Variants in MTREX observed in about 807,000 individuals in gnomAD.
MTREX encodes the protein Mtr4 exosome RNA helicase, also known as exosome RNA helicase MTR4.
In MTREX, 76 loss-of-function variants were observed where a neutral mutation model predicts 135.4. The observed-to-expected ratio is 0.56, with a 90% confidence interval of 0.47 to 0.68. The LOEUF is 0.68. Among genes scored for constraint, MTREX ranks in the 30% least tolerant of loss-of-function variants. MTREX has a pLI of 0.00. For synonymous variants in MTREX, 404 were observed against 401.6 expected, an observed-to-expected ratio of 1.01 and a Z score of -0.07; for missense variants, 920 against 1,262.1, an observed-to-expected ratio of 0.73 and a Z score of 4.11.
chr5:55,336,011 G>C (rs1439386526), intron 5 of MTREX, among the ~76,000 whole-genome samples: 1 of 152,022 alleles, frequency 6.6e-6, no homozygotes, highest in East Asian at 1.9e-4. Context: ...TTATGCTATT[G>C]TGAATCACAT....
intron 19 of MTREX, among the ~76,000 whole-genome samples, chr5:55,392,878 T>C (rs1338488724): frequency 6.6e-6 from 1 of 152,202 alleles, no homozygotes; most frequent in African/African-American, 2.4e-5. Flanking sequence ...CAGGCAGCCA[T>C]GGTGTTAAGC....
intron 5 of MTREX, among the ~76,000 whole-genome samples, chr5:55,335,539 T>A (rs1749540533): frequency 6.6e-6 from 1 of 152,110 alleles, no homozygotes; most frequent in Non-Finnish European, 1.5e-5. Context: ...GATATCCAGT[T>A]GTTCCAATTC....
In MTREX at chr5:55,378,469, C is replaced by A; in HGVS notation, c.1966C>A (p.Pro656Thr). 1 of 1,608,146 alleles carries A rather than the reference C, an allele frequency of 6.2e-7. No individual in the cohort carries two copies. Among genetic ancestry groups the A allele is most frequent in the Non-Finnish European group, 8.5e-7 (1 of 1,178,312 alleles). ...KPKYCLPFLQ[P>T]GRLVKVKNEG... Reference sequence around the variant, plus strand: ...AAAATACTGCTTACCTTTTCTACAACCAGGTCGTTTGGTAAAGGTATGTCA... The same window carrying A: ...AAAATACTGCTTACCTTTTCTACAAACAGGTCGTTTGGTAAAGGTATGTCA... Residue 656 changes from proline (P) to threonine (T), a missense_variant, in exon 17 of 27, where the codon CCA becomes ACA. Pro to Thr is a conservative substitution (Grantham distance 38). This residue lies in a region of MTREX where 467 missense variants were observed against 589.7 expected (regional missense o/e 0.79). Coordinates refer to ENST00000230640, the MANE Select transcript of MTREX (RefSeq NM_015360.5).
intron 1 of MTREX, among the ~76,000 whole-genome samples, chr5:55,320,058 T>A (rs951166184): frequency 6.6e-6 from 1 of 152,164 alleles, no homozygotes; most frequent in African/African-American, 2.4e-5. Context: ...ACATAAGTAG[T>A]CAGCAACAAA....
intron 18 of MTREX, among the ~76,000 whole-genome samples, chr5:55,381,595 G>A (rs918162333): frequency 2.0e-5 from 3 of 151,856 alleles, no homozygotes; most frequent in Admixed American, 6.6e-5. Flanking sequence ...TTCTAATTTT[G>A]TTTTTGTCGA....
At chr5:55,370,657 G>A (rs1007748361) in intron 16 of MTREX, among the ~76,000 whole-genome samples, 1 of 152,192 alleles carries the variant, frequency 6.6e-6, no homozygotes, top group Non-Finnish European at 1.5e-5. Flanking sequence ...TTTGAGTGAT[G>A]AAAGAGAAAT....
chr5:55,425,038 C>CTGAG lies in MTREX; in HGVS notation c.*268_*271dup. 3 of 936,916 alleles carry CTGAG rather than the reference C, an allele frequency of 3.2e-6. No individual in the cohort carries two copies. Among genetic ancestry groups the CTGAG allele is most frequent in the East Asian group, 4.9e-5 (2 of 41,062 alleles). 58.0% of individuals were successfully genotyped at this position (936,916 alleles called of 1,614,324 possible). ...TGAGTTTAGAGCTATTAGATAACCACTGAGTTAAAGGTAACTATGTACACA... is the reference window on the plus strand; with the variant it reads ...TGAGTTTAGAGCTATTAGATAACCACTGAGTGAGTTAAAGGTAACTATGTACACA... On this transcript the variant is annotated 3_prime_UTR_variant, in exon 27 of 27. Transcript: ENST00000230640.
At chr5:55,316,023 C>T (rs919115987) in intron 1 of MTREX, among the ~76,000 whole-genome samples, 1 of 152,124 alleles carries the variant, frequency 6.6e-6, no homozygotes, top group South Asian at 2.1e-4. Context: ...CACACACAAA[C>T]TAGAAAACCT....
At chr5:55,368,219 G>T (rs979782617) in intron 16 of MTREX, among the ~76,000 whole-genome samples, 2 of 152,134 alleles carry the variant, frequency 1.3e-5, no homozygotes, top group Non-Finnish European at 2.9e-5. Flanking sequence ...CGAGGCCCAG[G>T]GGGGCAGATA....
intron 1 of MTREX, among the ~76,000 whole-genome samples, chr5:55,314,113 T>C (rs1038216057): frequency 6.6e-6 from 1 of 152,142 alleles, no homozygotes; most frequent in African/African-American, 2.4e-5. Flanking sequence ...GAAGTCTGTT[T>C]CTTGTTGTTG....
intron 15 of MTREX, among the ~76,000 whole-genome samples, chr5:55,362,350 G>GT (rs927930825): frequency 8.0e-5 from 12 of 150,898 alleles, no homozygotes; most frequent in South Asian, 6.3e-4. Context: ...CAGTTTTTTT[G>GT]TTTTTTTTGT....
chr5:55,320,089 C>T (rs990594612), intron 1 of MTREX, among the ~76,000 whole-genome samples: 6 of 152,090 alleles, frequency 3.9e-5, no homozygotes, highest in Non-Finnish European at 8.8e-5. Flanking sequence ...GAATGAATAG[C>T]TTTTTCGCAA....
At chr5:55,414,161 T>C in intron 23 of MTREX, 21 bp from the exon 24 acceptor site, 1 of 1,535,612 alleles carries the variant, frequency 6.5e-7, no homozygotes. Flanking sequence ...TTTTATATCT[T>C]GTTTTCCTTT....
chr5:55,418,808 G>A (rs1751011617), intron 25 of MTREX, among the ~76,000 whole-genome samples: 1 of 151,958 alleles, frequency 6.6e-6, no homozygotes, highest in Non-Finnish European at 1.5e-5. Flanking sequence ...TCCATTTCAA[G>A]AATAGCCATT....
chr5:55,396,077 C>T (rs1217442478), intron 19 of MTREX, among the ~76,000 whole-genome samples: 1 of 152,048 alleles, frequency 6.6e-6, no homozygotes, highest in East Asian at 1.9e-4. Flanking sequence ...AGCAAATAGG[C>T]AAAATATAAC....
chr5:55,352,945 GT>G, intron 13 of MTREX, among the ~76,000 whole-genome samples: 1 of 152,234 alleles, frequency 6.6e-6, no homozygotes, highest in African/African-American at 2.4e-5. Context: ...AAGAAAGTCT[GT>G]TTTCCCTTAA....
At chr5:55,410,462 A>G in intron 22 of MTREX, 62 bp from the exon 23 acceptor site, 2 of 878,110 alleles carry the variant, frequency 2.3e-6, no homozygotes, top group Non-Finnish European at 3.7e-6. Flanking sequence ...CGTTAAGGGC[A>G]TATGTGTGTG....
chr5:55,326,894 T>C (rs181858437), intron 3 of MTREX, among the ~76,000 whole-genome samples: 92 of 152,270 alleles, frequency 6.0e-4, no homozygotes, highest in Admixed American at 5.9e-4. Context: ...TTCCCTGCCC[T>C]GTGTCCATGT....
At chr5:55,392,269 G>C (rs956842387) in intron 19 of MTREX, among the ~76,000 whole-genome samples, 1 of 152,050 alleles carries the variant, frequency 6.6e-6, no homozygotes, top group African/African-American at 2.4e-5. Context: ...GTCTGGCCAG[G>C]CATGGTGGCT....
Sources: allele counts gnomAD v4.1 joint callset (sites outside exome capture counted in the v4.1 genomes callset), GRCh38; gene constraint gnomAD v4.1.1; regional missense constraint gnomAD v4.1.1; transcripts MANE v1.5; gene names NCBI Gene and HGNC (gene_info 2026-07-23, HGNC 2026-07-21).